Variants in EXOC6B observed in about 807,000 individuals in gnomAD.
The protein encoded by EXOC6B is SEC15 homolog B.
In EXOC6B, 54 loss-of-function variants were observed where a neutral mutation model predicts 113.5. The ratio of observed to expected loss-of-function variants is 0.48; its 90% CI spans 0.38 to 0.60. The LOEUF (loss-of-function observed/expected upper bound fraction) is 0.60, where lower values mean the gene tolerates loss of function less well. Among genes scored for constraint, EXOC6B ranks in the 20% least tolerant of loss-of-function variants. EXOC6B has a pLI of 0.00. For missense variants in EXOC6B, 797 were observed against 977.5 expected (o/e 0.82, Z 2.46); for synonymous variants, 357 against 339.0 (o/e 1.05, Z -0.58).
intron 2 of EXOC6B, among the ~76,000 whole-genome samples, chr2:72,737,353 T>A (rs114391553): frequency 4.9e-4 from 71 of 143,740 alleles, no homozygotes; most frequent in Non-Finnish European, 7.8e-4. Flanking sequence ...CAAAAAAAAT[T>A]AAAAAAAAAA....
At chr2:72,545,622 C>T (rs1009037284) in intron 8 of EXOC6B, among the ~76,000 whole-genome samples, 1 of 151,980 alleles carries the variant, frequency 6.6e-6, no homozygotes, top group Non-Finnish European at 1.5e-5. Context: ...CCATATTTAC[C>T]ACATCATTTA....
chr2:72,259,919 G>A (rs954232885), intron 20 of EXOC6B, among the ~76,000 whole-genome samples: 3 of 152,120 alleles, frequency 2.0e-5, no homozygotes, highest in Non-Finnish European at 2.9e-5. Context: ...AGGGGTGGTG[G>A]TACACAGCTG....
intron 11 of EXOC6B, among the ~76,000 whole-genome samples, chr2:72,503,463 AT>A (rs769155969): frequency 8.5e-5 from 13 of 152,230 alleles, no homozygotes; most frequent in Non-Finnish European, 1.5e-4. Context: ...GCCTTTTCAG[AT>A]TGGCTTCTTT....
At chr2:72,299,459 G>C (rs948405050) in intron 20 of EXOC6B, among the ~76,000 whole-genome samples, 7 of 151,702 alleles carry the variant, frequency 4.6e-5, no homozygotes, top group Non-Finnish European at 1.0e-4. Flanking sequence ...CTTGCATTGG[G>C]TTAGAACATG....
At chr2:72,382,375 C>G (rs1163332871) in intron 18 of EXOC6B, among the ~76,000 whole-genome samples, 1 of 152,118 alleles carries the variant, frequency 6.6e-6, no homozygotes, top group African/African-American at 2.4e-5. Flanking sequence ...CTCTCTATTT[C>G]ATTCCATTGG....
intron 20 of EXOC6B, among the ~76,000 whole-genome samples, chr2:72,277,695 T>C (rs937418761): frequency 1.4e-4 from 22 of 152,042 alleles, no homozygotes; most frequent in Non-Finnish European, 1.5e-5. Flanking sequence ...GGTTTCACCA[T>C]GTCAGACAGG....
chr2:72,784,335 T>C (rs978877891), intron 1 of EXOC6B, among the ~76,000 whole-genome samples: 8 of 152,246 alleles, frequency 5.3e-5, no homozygotes, highest in Non-Finnish European at 7.3e-5. Flanking sequence ...GGTTCTTTTT[T>C]GGTTCCACAT....
intron 6 of EXOC6B, among the ~76,000 whole-genome samples, chr2:72,595,956 T>C (rs1670056491): frequency 6.6e-6 from 1 of 152,100 alleles, no homozygotes; most frequent in Non-Finnish European, 1.5e-5. Context: ...ACTTGAAGTC[T>C]AAAAATCTTA....
intron 16 of EXOC6B, among the ~76,000 whole-genome samples, chr2:72,487,701 G>C (rs567199446): frequency 3.7e-4 from 56 of 152,306 alleles, no homozygotes; most frequent in African/African-American, 1.2e-3. Flanking sequence ...CTATGTTATA[G>C]CATGTCTTTC....
At chr2:72,803,698 A>C (rs1685423631) in intron 1 of EXOC6B, among the ~76,000 whole-genome samples, 1 of 152,218 alleles carries the variant, frequency 6.6e-6, no homozygotes, top group South Asian at 2.1e-4. Flanking sequence ...AACTTTAAAG[A>C]GTTCTCATTT....
intron 20 of EXOC6B, among the ~76,000 whole-genome samples, chr2:72,211,009 C>T (rs1047515257): frequency 2.0e-5 from 3 of 152,260 alleles, no homozygotes; most frequent in East Asian, 1.9e-4. Context: ...GCACCACCTC[C>T]GGTTCCCTCC....
intron 1 of EXOC6B, among the ~76,000 whole-genome samples, chr2:72,816,633 A>G (rs1354547936): frequency 2.0e-5 from 3 of 152,188 alleles, no homozygotes; most frequent in South Asian, 2.1e-4. Flanking sequence ...TAATTTACCT[A>G]TATCATTTTT....
intron 20 of EXOC6B, among the ~76,000 whole-genome samples, chr2:72,281,894 A>G (rs1050635439): frequency 3.5e-4 from 53 of 152,184 alleles, no homozygotes; most frequent in Non-Finnish European, 4.4e-5. Context: ...ATAGACAAAT[A>G]AGAAAGATAC....
At chr2:72,208,384 G>A (rs1237030840) in intron 20 of EXOC6B, among the ~76,000 whole-genome samples, 4 of 152,052 alleles carry the variant, frequency 2.6e-5, no homozygotes, top group South Asian at 2.1e-4. Context: ...ATGGCCTCTA[G>A]CTGCATCCAT....
intron 1 of EXOC6B, among the ~76,000 whole-genome samples, chr2:72,813,995 A>G (rs1187412720): frequency 6.6e-6 from 1 of 152,230 alleles, no homozygotes; most frequent in African/African-American, 2.4e-5. Flanking sequence ...TTGAAAACTG[A>G]TATGTTGAGA....
chr2:72,525,465 A>C (rs1339191492), intron 8 of EXOC6B, among the ~76,000 whole-genome samples: 1 of 152,204 alleles, frequency 6.6e-6, no homozygotes, highest in Non-Finnish European at 1.5e-5. Flanking sequence ...AAACTGCTTA[A>C]AATTACAACT....
intron 1 of EXOC6B, among the ~76,000 whole-genome samples, chr2:72,789,180 C>T (rs1284330761): frequency 6.6e-6 from 1 of 152,208 alleles, no homozygotes; most frequent in Non-Finnish European, 1.5e-5. Flanking sequence ...GTACTTAGCA[C>T]TATCAAGCCT....
At chr2:72,578,362 T>C (rs1339948319) in intron 6 of EXOC6B, among the ~76,000 whole-genome samples, 1 of 152,138 alleles carries the variant, frequency 6.6e-6, no homozygotes, top group African/African-American at 2.4e-5. Flanking sequence ...AATTTTCCAA[T>C]GTACTTACCC....
intron 20 of EXOC6B, among the ~76,000 whole-genome samples, chr2:72,314,232 G>A (rs563846677): frequency 9.2e-5 from 14 of 152,060 alleles, no homozygotes; most frequent in African/African-American, 3.4e-4. Flanking sequence ...TATTATCCTG[G>A]GTTGTCACAA....
Sources: allele counts gnomAD v4.1 joint callset (sites outside exome capture counted in the v4.1 genomes callset), GRCh38; gene constraint gnomAD v4.1.1; transcripts MANE v1.5; gene names NCBI Gene and HGNC (gene_info 2026-07-23, HGNC 2026-07-21).